Variants in ATG10 observed in about 807,000 individuals in gnomAD.
ATG10 encodes ubiquitin-like-conjugating enzyme ATG10.
In ATG10, 30 loss-of-function variants were observed where a neutral mutation model predicts 32.1. That is an observed-to-expected ratio of 0.94 (90% CI 0.70 to 1.27). The LOEUF (loss-of-function observed/expected upper bound fraction) is 1.27. Among genes scored for constraint, ATG10 ranks in the 50% most tolerant of loss-of-function variants. The pLI is 0.00. For missense variants in ATG10, 233 were observed against 262.3 expected (o/e 0.89, Z 0.77); for synonymous variants, 87 against 91.5 (o/e 0.95, Z 0.28).
rs556834527 is a variant in ATG10 at position 82,088,121 on chromosome 5, T to A, written c.216+29519T>A. ...ACTCACTTTCCCAGAGCTAACATGG[T>A]TCCTTCTTCGGGCATACTTTTTTAG... is the stretch of plus-strand genomic sequence containing the variant. On this transcript the variant is annotated intron_variant, in intron 3 of 7. Transcript: ENST00000282185. 1.1e-3 allele frequency among the ~76,000 whole-genome samples: 175 copies of A among 152,278 alleles called. 2 individuals carry two copies. Among genetic ancestry groups the A allele is most frequent in the Admixed American group, 2.3e-3 (35 of 15,296 alleles).
At chr5:82,164,276 G>C in intron 3 of ATG10, 123 bp from the exon 4 acceptor site, 1 of 956,142 alleles carries the variant, frequency 1.0e-6, no homozygotes, top group South Asian at 1.5e-5. Flanking sequence ...CCTTTTCCTT[G>C]CCTCATAGCC....
chr5:82,209,406 G>A (rs1239014119), intron 5 of ATG10, among the ~76,000 whole-genome samples: 1 of 152,148 alleles, frequency 6.6e-6, no homozygotes, highest in African/African-American at 2.4e-5. Flanking sequence ...GAGCCTTCAA[G>A]GTGGGATTAG....
intron 5 of ATG10, among the ~76,000 whole-genome samples, chr5:82,184,358 CATT>C (rs1744364778): frequency 1.3e-5 from 2 of 152,088 alleles, no homozygotes; most frequent in Non-Finnish European, 2.9e-5. Flanking sequence ...TAATCATAAT[CATT>C]ATTATTTTTT....
intron 5 of ATG10, among the ~76,000 whole-genome samples, chr5:82,180,111 A>G (rs956104319): frequency 2.0e-5 from 3 of 152,076 alleles, no homozygotes; most frequent in Admixed American, 1.3e-4. Context: ...CAAACCTGCA[A>G]TAGTTCTCCG....
At chr5:82,104,877 T>G in intron 3 of ATG10, among the ~76,000 whole-genome samples, 1 of 152,168 alleles carries the variant, frequency 6.6e-6, no homozygotes, top group East Asian at 1.9e-4. Context: ...AAAGTTATAT[T>G]CATTTAAATG....
intron 2 of ATG10, chr5:82,010,221 A>C: frequency 1.3e-6 from 1 of 771,758 alleles, no homozygotes; most frequent in Non-Finnish European, 2.1e-6. Context: ...ATCTGTAAAA[A>C]TGGAGGGGAA....
intron 3 of ATG10, among the ~76,000 whole-genome samples, chr5:82,101,416 C>A (rs532001910): frequency 6.6e-6 from 1 of 152,064 alleles, no homozygotes; most frequent in Non-Finnish European, 1.5e-5. Context: ...TTCTACTCAT[C>A]TTTTTTGGCC....
intron 3 of ATG10, among the ~76,000 whole-genome samples, chr5:82,109,601 A>AT (rs953078279): frequency 2.0e-4 from 30 of 151,764 alleles, no homozygotes; most frequent in Non-Finnish European, 3.7e-4. Context: ...AAAAATCACT[A>AT]TTTTTTATAA....
chr5:82,109,928 T>G, intron 3 of ATG10, among the ~76,000 whole-genome samples: 1 of 150,534 alleles, frequency 6.6e-6, no homozygotes, highest in African/African-American at 2.4e-5. Context: ...ACATTAGGTA[T>G]ATCTCCTAAT....
chr5:82,083,513 A>G (rs1222375309), intron 3 of ATG10, among the ~76,000 whole-genome samples: 1 of 152,206 alleles, frequency 6.6e-6, no homozygotes, highest in Non-Finnish European at 1.5e-5. Context: ...TTGAGATCTG[A>G]GAACGGACAG....
chr5:82,139,731 C>G, intron 3 of ATG10, among the ~76,000 whole-genome samples: 1 of 140,226 alleles, frequency 7.1e-6, no homozygotes, highest in Non-Finnish European at 1.6e-5. Context: ...CAGCCCCCTG[C>G]CCGGCCAGCC....
At chr5:81,978,094 G>A (rs1760919375) in intron 1 of ATG10, among the ~76,000 whole-genome samples, 1 of 152,004 alleles carries the variant, frequency 6.6e-6, no homozygotes, top group Non-Finnish European at 1.5e-5. Context: ...TTTTGAGGCG[G>A]AGTCTTGCTC....
chr5:82,081,646 A>C (rs1439492483), intron 3 of ATG10, among the ~76,000 whole-genome samples: 1 of 152,158 alleles, frequency 6.6e-6, no homozygotes, highest in African/African-American at 2.4e-5. Context: ...TTCTGTTTAT[A>C]TGCTGGATTA....
chr5:82,009,804 A>G, intron 2 of ATG10: 1 of 1,607,168 alleles, frequency 6.2e-7, no homozygotes, highest in African/African-American at 1.3e-5. Flanking sequence ...CATGGACAAG[A>G]TGCCAGGACC....
intron 5 of ATG10, among the ~76,000 whole-genome samples, chr5:82,191,236 A>G (rs1158852925): frequency 6.6e-6 from 1 of 152,186 alleles, no homozygotes; most frequent in Non-Finnish European, 1.5e-5. Flanking sequence ...TTTTCTTGCA[A>G]TTGATTGGCA....
At chr5:82,217,179 C>A (rs1476736683) in intron 5 of ATG10, among the ~76,000 whole-genome samples, 1 of 152,094 alleles carries the variant, frequency 6.6e-6, no homozygotes, top group Non-Finnish European at 1.5e-5. Context: ...TTGGGAAGAT[C>A]ATGAGTTTTG....
intron 2 of ATG10, among the ~76,000 whole-genome samples, chr5:81,995,693 G>A (rs188833047): frequency 3.9e-4 from 60 of 152,278 alleles, no homozygotes; most frequent in African/African-American, 1.3e-3. Context: ...CAAAAATGGT[G>A]GCTGAGGTGA....
rs1050310071 is a variant in ATG10, at chr5:82,255,593, C to G, written c.*1530C>G. On this transcript the variant is annotated 3_prime_UTR_variant, in exon 8 of 8. Transcript: ENST00000282185. Reference sequence around the variant, plus strand: ...CAGTCTCTCTGGGGGTGATTCTGCTCTGGAGAACCTCTGGTCTGGATATAC... The same window carrying G: ...CAGTCTCTCTGGGGGTGATTCTGCTGTGGAGAACCTCTGGTCTGGATATAC... The G allele has an allele frequency of 6.6e-6, 1 of 152,220 alleles. No individual in the cohort carries two copies. The allele number at this position is 152,220 out of a possible 1,614,324, so 9.4% of individuals were successfully genotyped here. A position where few individuals can be genotyped will look rare whatever the true frequency, so the allele number is the denominator to read the frequency against.
At chr5:82,079,165 T>C (rs571557041) in intron 3 of ATG10, among the ~76,000 whole-genome samples, 14 of 152,192 alleles carry the variant, frequency 9.2e-5, no homozygotes. Context: ...TGGTTATATC[T>C]GGGCAAAGCC....
Sources: gnomAD v4.1 joint callset for allele counts (sites outside exome capture counted in the v4.1 genomes callset) on GRCh38, gnomAD v4.1.1 for gene constraint, MANE v1.5 for transcripts, NCBI Gene and HGNC (gene_info 2026-07-23, HGNC 2026-07-21) for gene names.